Variants in NFYA observed in about 807,000 individuals in gnomAD.
NFYA encodes CAAT-box DNA binding protein subunit A.
A neutral mutation model predicts 52.8 loss-of-function variants in NFYA; 28 were observed. That is an observed-to-expected ratio of 0.53 (90% CI 0.39 to 0.73). NFYA has a LOEUF of 0.73. NFYA is among the 30% of genes least tolerant of loss of function. The probability of loss-of-function intolerance (pLI) is 0.00; values close to 1 mark genes in which losing one functional copy is unlikely to be tolerated. For synonymous variants in NFYA, 150 were observed against 150.7 expected (o/e 1.00, Z 0.03); for missense variants, 234 against 427.0 (o/e 0.55, Z 3.98).
At chr6:41,073,149 C>T (rs886392269) in intron 1 of NFYA, 65 bp downstream of exon 1, 31 of 152,766 alleles carry the variant, frequency 2.0e-4, no homozygotes, top group African/African-American at 7.0e-4. Context: ...TGGCGGGTCT[C>T]GCTGACCACT....
intron 2 of NFYA, 127 bp downstream of exon 2, chr6:41,079,291 T>C: frequency 2.4e-6 from 2 of 828,278 alleles, no homozygotes; most frequent in South Asian, 1.7e-5. Flanking sequence ...TTGGGTCTGA[T>C]GGCTTGTGCT....
intron 3 of NFYA, 78 bp from the exon 4 acceptor site, chr6:41,083,968 A>G: frequency 7.3e-7 from 1 of 1,376,482 alleles, no homozygotes; most frequent in Non-Finnish European, 9.8e-7. Context: ...GCAGCAGAAT[A>G]GTTCCAGTGA....
At chr6:41,089,779 T>C in intron 5 of NFYA, 69 bp downstream of exon 5, 4 of 1,569,384 alleles carry the variant, frequency 2.5e-6, no homozygotes, top group East Asian at 2.3e-5. Flanking sequence ...GAGTCAGATA[T>C]TTCATGTATA....
chr6:41,075,718 A>G (rs1009130655), intron 1 of NFYA: 2 of 129,142 alleles, frequency 1.5e-5, no homozygotes, highest in African/African-American at 6.1e-5. Context: ...AAGAAAAAAA[A>G]AGTTCAAGTA....
chr6:41,097,703 A>C lies in NFYA; in HGVS notation c.*293A>C. The C allele has an allele frequency of 1.3e-5, 4 of 307,874 alleles. No homozygotes were observed. In the South Asian group the frequency reaches 1.7e-4, roughly 13 times the overall value. 19.1% of individuals were successfully genotyped at this position (307,874 alleles called of 1,614,324 possible). A position where few individuals can be genotyped will look rare whatever the true frequency, so the allele number is the denominator to read the frequency against. ...ACACATGCCACCCCAGCAGTACACA[A>C]AGCACTTACCTTGACTGGTGAAGTC... On this transcript the variant is annotated 3_prime_UTR_variant, in exon 10 of 10. Transcript: ENST00000341376.
Position 41,090,066 on chromosome 6 carries a change from C to T in NFYA, c.442-138C>T, listed in dbSNP as rs145381934. Reference sequence around the variant, plus strand: ...CGGAGGTTGCAGTGAGCTGAGATTGCGCCACTGCACTGCACTCCAGCCTGG... The same window carrying T: ...CGGAGGTTGCAGTGAGCTGAGATTGTGCCACTGCACTGCACTCCAGCCTGG... On this transcript the variant is annotated intron_variant, in intron 5 of 9. Transcript: ENST00000341376. The T allele has an allele frequency of 8.7e-3, 5,007 of 573,866 alleles. 117 individuals are homozygous for T. The highest frequency in any genetic ancestry group is 0.064 in the African/African-American group (3,397 of 53,308). The allele number at this position is 573,866 out of a possible 1,614,324, so 35.5% of individuals were successfully genotyped here.
At chr6:41,096,601 C>T (rs1764362909) in intron 9 of NFYA, among the ~76,000 whole-genome samples, 1 of 152,220 alleles carries the variant, frequency 6.6e-6, no homozygotes, top group African/African-American at 2.4e-5. Context: ...GACCCAGTTC[C>T]AGTCTTCCAT....
In NFYA at chr6:41,091,447, T is replaced by C. The variant is rs556300934; in HGVS notation, c.548-81T>C. 15 of 1,403,406 alleles carry C rather than the reference T, an allele frequency of 1.1e-5. No individual in the cohort carries two copies. The East Asian group carries it at 1.2e-4, about 11-fold the overall frequency. The allele number at this position is 1,403,406 out of a possible 1,614,324, so 86.9% of individuals were successfully genotyped here. ...CCAGGATCGGTGAGTGTATACCAGA[T>C]AGAAGAGGGACTAACTATGTTCCCT... is the stretch of plus-strand genomic sequence containing the variant. On this transcript the variant is annotated intron_variant, in intron 6 of 9. Coordinates refer to ENST00000341376, the MANE Select transcript of NFYA (RefSeq NM_002505.5).
intron 4 of NFYA, among the ~76,000 whole-genome samples, chr6:41,084,929 C>T (rs896169261): frequency 6.6e-6 from 1 of 152,116 alleles, no homozygotes; most frequent in Non-Finnish European, 1.5e-5. Flanking sequence ...CCACTGCACT[C>T]CAGGCTGGGC....
chr6:41,073,234 G>C (rs1212741764), intron 1 of NFYA, 150 bp downstream of exon 1: 1 of 151,308 alleles, frequency 6.6e-6, no homozygotes, highest in Non-Finnish European at 1.5e-5. Flanking sequence ...CAGCGGCCCC[G>C]GCCCGGGGCC....
At chr6:41,083,876 G>C (rs1038557437) in intron 3 of NFYA, among the ~76,000 whole-genome samples, 170 bp from the exon 4 acceptor site, 1 of 152,176 alleles carries the variant, frequency 6.6e-6, no homozygotes, top group Admixed American at 6.5e-5. Flanking sequence ...TTAGTAACAG[G>C]ATTCATAGAT....
At chr6:41,083,262 T>C (rs780669254) in intron 3 of NFYA, among the ~76,000 whole-genome samples, 24 of 152,230 alleles carry the variant, frequency 1.6e-4, no homozygotes, top group African/African-American at 4.6e-4. Flanking sequence ...TGTTTACTCA[T>C]AGGAGCTTGA....
chr6:41,088,365 G>A (rs1192805788), intron 4 of NFYA, among the ~76,000 whole-genome samples: 1 of 143,738 alleles, frequency 7.0e-6, no homozygotes, highest in Non-Finnish European at 1.5e-5. Context: ...GGAGCTTGCA[G>A]TGAGCCAAGA....
chr6:41,097,682 A>T lies in NFYA; in HGVS notation c.*272A>T. On this transcript the variant is annotated 3_prime_UTR_variant, in exon 10 of 10. Coordinates refer to ENST00000341376, the MANE Select transcript of NFYA (RefSeq NM_002505.5). The stretch of plus-strand genomic sequence containing the variant: ...GGATTCGGATGATGCAAGGAGACAC[A>T]TGCCACCCCAGCAGTACACAAAGCA... The T allele has an allele frequency of 2.7e-6, 1 of 373,102 alleles. No homozygotes were observed. The highest frequency in any genetic ancestry group is 5.2e-5 in the East Asian group (1 of 19,322). The allele number at this position is 373,102 out of a possible 1,614,324, so 23.1% of individuals were successfully genotyped here.
chr6:41,077,564 T>C (rs372790433), intron 1 of NFYA, among the ~76,000 whole-genome samples: 1 of 152,202 alleles, frequency 6.6e-6, no homozygotes, highest in African/African-American at 2.4e-5. Context: ...AGAGACAAGA[T>C]AGAATTTAGG....
chr6:41,078,672 T>TA, intron 1 of NFYA, among the ~76,000 whole-genome samples: 1 of 152,338 alleles, frequency 6.6e-6, no homozygotes, highest in East Asian at 1.9e-4. Context: ...TGTTACAACT[T>TA]AAAGAAGCTT....
In NFYA at chr6:41,072,999, A is replaced by T. The variant is rs1019700894; in HGVS notation, c.-147A>T. On this transcript the variant is annotated 5_prime_UTR_variant, in exon 1 of 10. Coordinates refer to ENST00000341376, the MANE Select transcript of NFYA (RefSeq NM_002505.5). ...GCTAGGCAGCGGCAGTGGCGGCGGC[A>T]GCGGCGGCTGGAGCCTCTGATTGGG... The T allele has an allele frequency of 6.5e-6, 1 of 154,964 alleles. No homozygotes were observed. Among genetic ancestry groups the T allele is most frequent in the African/African-American group, 2.4e-5 (1 of 41,510 alleles). The allele number at this position is 154,964 out of a possible 1,614,324, so 9.6% of individuals were successfully genotyped here.
At chr6:41,087,886 AAAG>A (rs1764088576) in intron 4 of NFYA, among the ~76,000 whole-genome samples, 1 of 152,232 alleles carries the variant, frequency 6.6e-6, no homozygotes, top group Non-Finnish European at 1.5e-5. Context: ...TAAAAAAAAG[AAAG>A]AAGATAGATT....
chr6:41,084,597 C>CTGTTTT (rs1763991151), intron 4 of NFYA, among the ~76,000 whole-genome samples: 1 of 152,012 alleles, frequency 6.6e-6, no homozygotes, highest in African/African-American at 2.4e-5. Flanking sequence ...TTAAGCAGAC[C>CTGTTTT]AATAAAACAG....
Sources: gnomAD v4.1 joint callset for allele counts (sites outside exome capture counted in the v4.1 genomes callset) on GRCh38, gnomAD v4.1.1 for gene constraint, MANE v1.5 for transcripts, NCBI Gene and HGNC (gene_info 2026-07-23, HGNC 2026-07-21) for gene names.